SAMD5: variants seen among roughly 807,000 people sequenced by gnomAD.
SAMD5 encodes the protein sterile alpha motif domain containing 5.
Under a neutral mutation model 11.3 loss-of-function variants are expected in SAMD5, and 13 were observed. That is an observed-to-expected ratio of 1.15 (90% CI 0.75 to 1.83). The LOEUF (loss-of-function observed/expected upper bound fraction) is 1.83. Ranked by LOEUF, SAMD5 falls within the 40% of genes most tolerant of loss-of-function variation. The probability of loss-of-function intolerance (pLI) is 0.00; values close to 1 mark genes in which losing one functional copy is unlikely to be tolerated. For missense variants in SAMD5, 255 were observed against 239.1 expected (o/e 1.07, Z -0.44); for synonymous variants, 129 against 111.3 (o/e 1.16, Z -1.00).
chr6:147,594,551 A>G (rs764434053), intron 1 of SAMD5, among the ~76,000 whole-genome samples: 11 of 152,184 alleles, frequency 7.2e-5, no homozygotes, highest in Non-Finnish European at 1.2e-4. Context: ...TGCTGTTTCC[A>G]CTTTAAAGTC....
chr6:147,694,104 ACTTTATTATGAT>A (rs1438401994), intron 1 of SAMD5, among the ~76,000 whole-genome samples: 1 of 152,170 alleles, frequency 6.6e-6, no homozygotes, highest in Non-Finnish European at 1.5e-5. Flanking sequence ...ACAAGAAGTG[ACTTTATTATGAT>A]AGTGTGGAGT....
intron 1 of SAMD5, among the ~76,000 whole-genome samples, chr6:147,712,604 C>G (rs1393006616): frequency 1.3e-5 from 2 of 152,108 alleles, no homozygotes; most frequent in Non-Finnish European, 2.9e-5. Flanking sequence ...GTTGAGATAG[C>G]ATCTTGAGGG....
chr6:147,539,715 A>T (rs1415124466), intron 1 of SAMD5, among the ~76,000 whole-genome samples: 2 of 151,952 alleles, frequency 1.3e-5, no homozygotes, highest in East Asian at 3.9e-4. Flanking sequence ...AAAAAAAAAA[A>T]TGGAGAAAAA....
the SAMD5 span, among the ~76,000 whole-genome samples, chr6:147,759,915 T>C: frequency 6.6e-6 from 1 of 152,326 alleles, no homozygotes; most frequent in East Asian, 1.9e-4. Context: ...AGCACATGCT[T>C]CCTGAATTAA....
At chr6:147,514,437 A>G (rs1788134353) in intron 1 of SAMD5, among the ~76,000 whole-genome samples, 1 of 150,864 alleles carries the variant, frequency 6.6e-6, no homozygotes, top group Non-Finnish European at 1.5e-5. Context: ...ACATTCCATC[A>G]TGTAATGTTT....
chr6:147,770,648 C>T, the SAMD5 span, among the ~76,000 whole-genome samples: 77 of 152,094 alleles, frequency 5.1e-4, no homozygotes, highest in Non-Finnish European at 1.0e-3. Context: ...GGAGTAGATT[C>T]GAATGATGTA....
chr6:147,602,063 C>T (rs559512027), intron 1 of SAMD5, among the ~76,000 whole-genome samples: 1 of 152,306 alleles, frequency 6.6e-6, no homozygotes, highest in East Asian at 1.9e-4. Context: ...TTGTTTCATT[C>T]TGGTTTTGCT....
At chr6:147,873,505 T>C in the SAMD5 span, among the ~76,000 whole-genome samples, 6 of 152,164 alleles carry the variant, frequency 3.9e-5, no homozygotes, top group Admixed American at 2.0e-4. Flanking sequence ...GTAATGTGAG[T>C]TTTATAGAAA....
At chr6:147,636,859 G>C (rs530777087) in intron 1 of SAMD5, among the ~76,000 whole-genome samples, 3 of 152,132 alleles carry the variant, frequency 2.0e-5, no homozygotes, top group African/African-American at 7.2e-5. Flanking sequence ...TTGTATTATG[G>C]TCCACAGACT....
chr6:147,946,489 T>C, the SAMD5 span, among the ~76,000 whole-genome samples: 1 of 152,220 alleles, frequency 6.6e-6, no homozygotes, highest in Admixed American at 6.5e-5. Context: ...TCATTTTGTT[T>C]CCTAGTCACT....
chr6:147,521,063 C>T (rs918339663), intron 1 of SAMD5, among the ~76,000 whole-genome samples: 3 of 152,252 alleles, frequency 2.0e-5, no homozygotes, highest in Middle Eastern at 3.4e-3. Context: ...TATTCAATCT[C>T]AAGTCAATAC....
Position 147,697,644 on chromosome 6 carries a change from G to T in SAMD5, c.163-39673G>T, listed in dbSNP as rs1791195498. Among the ~76,000 whole-genome samples, 2 of 152,140 alleles carry T rather than the reference G, an allele frequency of 1.3e-5. 1 individual carries two copies. Among genetic ancestry groups the T allele is most frequent in the Non-Finnish European group, 2.9e-5 (2 of 68,024 alleles). ...TAAAAAAACTAAACTAAAACTAGGG[G>T]TTTATATAGCAAGGAAGAAATGTAA... On this transcript the variant is annotated intron_variant, in intron 1 of 1. Coordinates refer to the SAMD5 transcript ENST00000566741.
the SAMD5 span, among the ~76,000 whole-genome samples, chr6:147,805,477 A>G: frequency 6.6e-6 from 1 of 152,204 alleles, no homozygotes; most frequent in Non-Finnish European, 1.5e-5. Context: ...ATTTGAAAAG[A>G]CCTAGTATAG....
At chr6:147,794,611 A>C in the SAMD5 span, among the ~76,000 whole-genome samples, 1 of 152,202 alleles carries the variant, frequency 6.6e-6, no homozygotes, top group African/African-American at 2.4e-5. Context: ...AAGATGGTAA[A>C]GTTATGAATA....
chr6:147,869,985 G>T, the SAMD5 span, among the ~76,000 whole-genome samples: 3 of 152,124 alleles, frequency 2.0e-5, no homozygotes, highest in South Asian at 6.2e-4. Context: ...CAAGTGTTGG[G>T]ATTATAGATG....
At chr6:147,661,414 G>T (rs1790646975) in intron 1 of SAMD5, among the ~76,000 whole-genome samples, 2 of 152,128 alleles carry the variant, frequency 1.3e-5, no homozygotes, top group Admixed American at 6.5e-5. Flanking sequence ...TAAGGCAAGG[G>T]TTTTCTCTAA....
At chr6:147,907,148 C>G in the SAMD5 span, among the ~76,000 whole-genome samples, 1 of 152,286 alleles carries the variant, frequency 6.6e-6, no homozygotes, top group East Asian at 1.9e-4. Context: ...CTGGAAGAAC[C>G]CAGTACTCTA....
chr6:147,939,330 A>G, the SAMD5 span, among the ~76,000 whole-genome samples: 1 of 152,110 alleles, frequency 6.6e-6, no homozygotes, highest in Non-Finnish European at 1.5e-5. Flanking sequence ...CTGATGACTC[A>G]GTCTCTAGCC....
chr6:147,770,326 T>G, the SAMD5 span, among the ~76,000 whole-genome samples: 1 of 152,078 alleles, frequency 6.6e-6, no homozygotes, highest in African/African-American at 2.4e-5. Context: ...CCTTTCCACG[T>G]AGGGAAAGAG....
Sources: allele counts gnomAD v4.1 joint callset (sites outside exome capture counted in the v4.1 genomes callset), GRCh38; gene constraint gnomAD v4.1.1; transcripts MANE v1.5; gene names NCBI Gene and HGNC (gene_info 2026-07-23, HGNC 2026-07-21).